Variants in PPM1H observed in about 807,000 individuals in gnomAD.
The protein encoded by PPM1H is protein phosphatase, Mg2+/Mn2+ dependent 1H.
PPM1H carries 27 observed loss-of-function variants against 54.9 expected under a neutral mutation model. The observed-to-expected ratio is 0.49, with a 90% CI of 0.36 to 0.68. The LOEUF is 0.68. Ranked by LOEUF, PPM1H falls within the 30% of genes least tolerant of loss-of-function variation. The pLI is 0.00. For synonymous variants in PPM1H, 305 were observed against 270.8 expected (o/e 1.13, Z -1.24); for missense variants, 596 against 667.8 (o/e 0.89, Z 1.19).
intron 7 of PPM1H, among the ~76,000 whole-genome samples, chr12:62,691,155 G>T (rs1419017008): frequency 1.3e-5 from 2 of 152,182 alleles, no homozygotes; most frequent in Non-Finnish European, 2.9e-5. Context: ...GTGGCACTTA[G>T]CACAGAAAGG....
chr12:62,662,240 G>A (rs2075888431), intron 9 of PPM1H, among the ~76,000 whole-genome samples: 1 of 152,170 alleles, frequency 6.6e-6, no homozygotes, highest in African/African-American at 2.4e-5. Flanking sequence ...ATGCATAACT[G>A]GCAGGTGGCT....
chr12:62,669,128 G>C (rs924156422), intron 8 of PPM1H, among the ~76,000 whole-genome samples: 1 of 152,218 alleles, frequency 6.6e-6, no homozygotes, highest in African/African-American at 2.4e-5. Context: ...CTCACTTAAG[G>C]CTAAACTTAT....
intron 4 of PPM1H, among the ~76,000 whole-genome samples, chr12:62,760,973 G>A (rs1395149442): frequency 1.3e-5 from 2 of 152,116 alleles, no homozygotes; most frequent in Admixed American, 6.5e-5. Flanking sequence ...TTTACTTTCA[G>A]TTTACATACA....
chr12:62,702,806 C>T (rs930906278), intron 6 of PPM1H, among the ~76,000 whole-genome samples: 2 of 152,200 alleles, frequency 1.3e-5, no homozygotes, highest in African/African-American at 4.8e-5. Context: ...GCTGCCTCTT[C>T]TCCCCTGGGG....
At chr12:62,858,787 G>T (rs2120962199) in intron 1 of PPM1H, among the ~76,000 whole-genome samples, 1 of 152,292 alleles carries the variant, frequency 6.6e-6, no homozygotes, top group African/African-American at 2.4e-5. Context: ...TTATTCCTCA[G>T]CTATAACACC....
At chr12:62,826,071 T>TAAAATA (rs1173659209) in intron 2 of PPM1H, among the ~76,000 whole-genome samples, 1 of 152,180 alleles carries the variant, frequency 6.6e-6, no homozygotes, top group Non-Finnish European at 1.5e-5. Flanking sequence ...CTGAAAAGGA[T>TAAAATA]AAAATAATTC....
Position 62,680,147 on chromosome 12 carries a change from T to A in PPM1H, c.1245+9552A>T, listed in dbSNP as rs1432117569. ...GTGACAGTGATGATGTTCTGGGACT[T>A]CTTAGGCTAGGTTTTAAGAAGCCTT... is the stretch of plus-strand genomic sequence containing the variant. On this transcript the variant is annotated intron_variant, in intron 8 of 9. Transcript: ENST00000228705. Among the ~76,000 whole-genome samples the A allele has an allele frequency of 2.6e-5, 4 of 152,216 alleles. No homozygotes were observed. The East Asian group carries it at 7.7e-4, about 29-fold the overall frequency.
chr12:62,917,886 A>T (rs554418711), intron 1 of PPM1H, among the ~76,000 whole-genome samples: 1 of 152,258 alleles, frequency 6.6e-6, no homozygotes, highest in Admixed American at 6.5e-5. Flanking sequence ...AGATTTAGAC[A>T]TTTGTTTCAT....
chr12:62,823,901 G>T (rs1252120525), intron 2 of PPM1H, among the ~76,000 whole-genome samples: 2 of 152,158 alleles, frequency 1.3e-5, no homozygotes, highest in East Asian at 3.8e-4. Flanking sequence ...TCTGGCCAGG[G>T]CAATCAGGCA....
At chr12:62,755,184 G>A (rs539811238) in intron 4 of PPM1H, 119 of 581,578 alleles carry the variant, frequency 2.0e-4, no homozygotes, top group East Asian at 8.2e-4. Context: ...ACAGACAGCC[G>A]CCTCTTCTCT....
intron 1 of PPM1H, among the ~76,000 whole-genome samples, chr12:62,927,960 T>G (rs1016914061): frequency 6.6e-6 from 1 of 152,226 alleles, no homozygotes. Flanking sequence ...AGTATTTCAT[T>G]AGACACAGTG....
intron 5 of PPM1H, among the ~76,000 whole-genome samples, chr12:62,729,453 G>A (rs183146638): frequency 8.5e-5 from 13 of 152,306 alleles, no homozygotes; most frequent in African/African-American, 2.6e-4. Flanking sequence ...AAGGATACAT[G>A]GAGTTAAATA....
intron 5 of PPM1H, among the ~76,000 whole-genome samples, chr12:62,721,998 C>G (rs944711238): frequency 2.0e-5 from 3 of 152,044 alleles, no homozygotes; most frequent in Non-Finnish European, 2.9e-5. Flanking sequence ...AAACAGGGAG[C>G]CTGTGTTCAA....
chr12:62,809,187 G>A (rs2076821955), intron 2 of PPM1H, among the ~76,000 whole-genome samples: 2 of 152,090 alleles, frequency 1.3e-5, no homozygotes, highest in Non-Finnish European at 2.9e-5. Context: ...AAGTAGCTGG[G>A]ACTAAGGCAT....
At chr12:62,824,734 T>C (rs961868986) in intron 2 of PPM1H, among the ~76,000 whole-genome samples, 1 of 152,148 alleles carries the variant, frequency 6.6e-6, no homozygotes, top group Non-Finnish European at 1.5e-5. Context: ...TCCTTACACC[T>C]TATACAAAAA....
intron 2 of PPM1H, among the ~76,000 whole-genome samples, chr12:62,806,252 A>G (rs2076804598): frequency 1.3e-5 from 2 of 152,182 alleles, no homozygotes; most frequent in Admixed American, 1.3e-4. Flanking sequence ...ATATGGTGAC[A>G]TGAACCATTA....
intron 6 of PPM1H, among the ~76,000 whole-genome samples, chr12:62,702,074 C>T (rs1053116679): frequency 2.6e-5 from 4 of 152,158 alleles, no homozygotes; most frequent in South Asian, 2.1e-4. Context: ...CTAAAGATAT[C>T]CCCCATTCAC....
At chr12:62,652,161 C>T (rs1297198988) in intron 9 of PPM1H, among the ~76,000 whole-genome samples, 1 of 152,156 alleles carries the variant, frequency 6.6e-6, no homozygotes, top group East Asian at 1.9e-4. Context: ...ACTTTCACAC[C>T]CTGATATTGT....
intron 2 of PPM1H, among the ~76,000 whole-genome samples, chr12:62,826,229 C>A (rs978371629): frequency 7.9e-5 from 12 of 152,158 alleles, no homozygotes; most frequent in African/African-American, 2.9e-4. Flanking sequence ...GTGGGCAGAT[C>A]CCCTGAGGTC....
Sources: allele counts gnomAD v4.1 joint callset (sites outside exome capture counted in the v4.1 genomes callset), GRCh38; gene constraint gnomAD v4.1.1; transcripts MANE v1.5; gene names NCBI Gene and HGNC (gene_info 2026-07-23, HGNC 2026-07-21).